Variants in P2RX5 observed in about 807,000 individuals in gnomAD.
P2RX5 encodes purinergic receptor P2X 5.
Under a neutral mutation model 54.1 loss-of-function variants are expected in P2RX5, and 46 were observed. The observed-to-expected ratio is 0.85, with a 90% CI of 0.67 to 1.09. The LOEUF (loss-of-function observed/expected upper bound fraction) is 1.09. Among genes scored for constraint, P2RX5 ranks in the 50% least tolerant of loss-of-function variants. P2RX5 has a pLI of 0.00. For missense variants in P2RX5, 566 were observed against 549.8 expected, an observed-to-expected ratio of 1.03 and a Z score of -0.29; for synonymous variants, 226 against 226.4, an observed-to-expected ratio of 1.00 and a Z score of 0.02.
intron 1 of P2RX5, among the ~76,000 whole-genome samples, chr17:3,695,412 T>C (rs935547803): frequency 1.3e-5 from 2 of 152,132 alleles, no homozygotes; most frequent in African/African-American, 2.4e-5. Context: ...CTGATGAGTT[T>C]CTCCAGCTCT....
intron 11 of P2RX5, chr17:3,675,959 A>C: frequency 1.0e-6 from 1 of 985,380 alleles, no homozygotes; most frequent in Non-Finnish European, 1.2e-6. Flanking sequence ...CCTGTTCTGG[A>C]GACCATGTCC....
At chr17:3,674,536 G>T (rs190150492) in intron 11 of P2RX5, among the ~76,000 whole-genome samples, 1 of 152,318 alleles carries the variant, frequency 6.6e-6, no homozygotes, top group Admixed American at 6.5e-5. Context: ...TCACTGGAAG[G>T]CTTGGCCGGC....
upstream of P2RX5, among the ~76,000 whole-genome samples, chr17:3,697,199 T>G (rs372940164): frequency 2.8e-4 from 43 of 152,248 alleles, no homozygotes; most frequent in South Asian, 8.5e-3. Flanking sequence ...CCTAGGATCC[T>G]AAAAATATGC....
chr17:3,673,817 G>A lies in P2RX5; in HGVS notation c.*51C>T, dbSNP rs755161918. ...GATTCCCAAAGGCATGGGATCACTG[G>A]GTGCTAGACGGCTGGGTTTAGGACA... On this transcript the variant is annotated 3_prime_UTR_variant, in exon 12 of 12. Coordinates refer to ENST00000225328, the MANE Select transcript of P2RX5 (RefSeq NM_002561.4). 1.2e-6 allele frequency: 2 copies of A among 1,612,552 alleles called. No individual in the cohort carries two copies. The highest frequency in any genetic ancestry group is 1.7e-6 in the Non-Finnish European group (2 of 1,179,996).
At chr17:3,719,499 C>T in the P2RX5 span, among the ~76,000 whole-genome samples, 2 of 152,076 alleles carry the variant, frequency 1.3e-5, no homozygotes, top group African/African-American at 2.4e-5. Flanking sequence ...AGAATGAAAA[C>T]ACAGGGTAAC....
chr17:3,717,088 A>G, the P2RX5 span: 10 of 307,102 alleles, frequency 3.3e-5, no homozygotes, highest in South Asian at 3.5e-4. Context: ...TGACAGCTTG[A>G]AAGAGGGTCC....
At chr17:3,703,279 A>T in the P2RX5 span, among the ~76,000 whole-genome samples, 1 of 152,186 alleles carries the variant, frequency 6.6e-6, no homozygotes, top group African/African-American at 2.4e-5. Context: ...CTGAGGTGAG[A>T]GGATCACTTG....
At chr17:3,723,645 G>T in the P2RX5 span, 1 of 1,527,730 alleles carries the variant, frequency 6.5e-7, no homozygotes, top group Non-Finnish European at 8.8e-7. Context: ...ACCCGCTTCA[G>T]GCCCTCCGCC....
the P2RX5 span, among the ~76,000 whole-genome samples, chr17:3,701,935 T>G: frequency 1.3e-5 from 2 of 151,666 alleles, no homozygotes; most frequent in Non-Finnish European, 2.9e-5. Flanking sequence ...GTAATTTTTT[T>G]GTGTGTAATT....
At chr17:3,701,692 C>G in the P2RX5 span, among the ~76,000 whole-genome samples, 1 of 27,562 alleles carries the variant, frequency 3.6e-5, no homozygotes, top group African/African-American at 6.9e-5. Flanking sequence ...GAAACTCTGT[C>G]TCAGAAAAAA....
At chr17:3,707,170 A>T in the P2RX5 span, among the ~76,000 whole-genome samples, 71,179 of 151,970 alleles carry the variant, frequency 0.47, 17,548 homozygotes, top group East Asian at 0.65. Flanking sequence ...AAACGGGGCA[A>T]AACAAGCAGA....
chr17:3,712,059 A>G, the P2RX5 span, among the ~76,000 whole-genome samples: 2 of 152,176 alleles, frequency 1.3e-5, no homozygotes, highest in African/African-American at 4.8e-5. Context: ...TGCAATTTTA[A>G]AAAGTATAAA....
chr17:3,698,057 C>A (rs184343), upstream of P2RX5, among the ~76,000 whole-genome samples: 133,462 of 151,226 alleles, frequency 0.88, 61,305 homozygotes, highest in East Asian at 1. Flanking sequence ...TTTTTTTTTT[C>A]AACAGGGAGG....
At chr17:3,680,329 A>G (rs371332554) in intron 10 of P2RX5, among the ~76,000 whole-genome samples, 2,477 of 34,440 alleles carry the variant, frequency 0.072, 20 homozygotes, top group East Asian at 0.15. Flanking sequence ...TCCACCCTGC[A>G]TCCTCCACCC....
the P2RX5 span, among the ~76,000 whole-genome samples, chr17:3,704,877 G>A: frequency 5.4e-4 from 82 of 152,244 alleles, 2 homozygotes; most frequent in South Asian, 0.017. Flanking sequence ...GTGATGATGC[G>A]TGCCTGGAAT....
intron 7 of P2RX5, 27 bp downstream of exon 7, chr17:3,689,465 A>C (rs777501727): frequency 3.7e-6 from 6 of 1,612,634 alleles, no homozygotes; most frequent in Non-Finnish European, 5.1e-6. Flanking sequence ...GCCCTCAGGG[A>C]GGGCTCCCTG....
At chr17:3,692,953 A>C (rs2050658471) in intron 1 of P2RX5, among the ~76,000 whole-genome samples, 1 of 152,226 alleles carries the variant, frequency 6.6e-6, no homozygotes, top group Non-Finnish European at 1.5e-5. Flanking sequence ...TCATGCATCA[A>C]AAGACACTCT....
At chr17:3,711,291 A>C in the P2RX5 span, among the ~76,000 whole-genome samples, 1 of 151,140 alleles carries the variant, frequency 6.6e-6, no homozygotes, top group Non-Finnish European at 1.5e-5. Context: ...AGGTGTGAAA[A>C]CCTAAATTGG....
chr17:3,694,142 T>C (rs879322358), intron 1 of P2RX5, among the ~76,000 whole-genome samples: 5 of 146,504 alleles, frequency 3.4e-5, no homozygotes, highest in African/African-American at 5.1e-5. Flanking sequence ...CACGGCAGGA[T>C]AGTATCAGCC....
Sources: gnomAD v4.1 joint callset for allele counts (sites outside exome capture counted in the v4.1 genomes callset) on GRCh38, gnomAD v4.1.1 for gene constraint, MANE v1.5 for transcripts, NCBI Gene and HGNC (gene_info 2026-07-23, HGNC 2026-07-21) for gene names.